Variants in LPP observed in about 807,000 individuals in gnomAD.
LPP encodes LIM domain containing preferred translocation partner in lipoma, also known as lipoma-preferred partner.
A neutral mutation model predicts 60.4 loss-of-function variants in LPP; 38 were observed. The observed-to-expected ratio is 0.63, with a 90% CI of 0.49 to 0.83. The LOEUF (loss-of-function observed/expected upper bound fraction) is 0.83. Among genes scored for constraint, LPP ranks in the 40% least tolerant of loss-of-function variants. LPP has a pLI of 0.00. For missense variants in LPP, 902 were observed against 783.6 expected (o/e 1.15, Z -1.80); for synonymous variants, 328 against 290.8 (o/e 1.13, Z -1.30).
At chr3:188,364,337 G>A (rs1163750961) in intron 3 of LPP, among the ~76,000 whole-genome samples, 1 of 152,240 alleles carries the variant, frequency 6.6e-6, no homozygotes, top group East Asian at 1.9e-4. Flanking sequence ...GTCTTTAATA[G>A]AGCCTTTCTT....
At chr3:188,551,608 A>G (rs1828146864) in intron 6 of LPP, among the ~76,000 whole-genome samples, 1 of 152,202 alleles carries the variant, frequency 6.6e-6, no homozygotes, top group Non-Finnish European at 1.5e-5. Context: ...GGAAAATATA[A>G]CATATACACT....
chr3:188,661,867 C>G (rs1177626372), intron 7 of LPP, among the ~76,000 whole-genome samples: 3 of 152,140 alleles, frequency 2.0e-5, no homozygotes, highest in African/African-American at 7.2e-5. Flanking sequence ...ACTCATTTTT[C>G]TTTCATTCAT....
At chr3:188,366,983 G>A (rs571635491) in intron 3 of LPP, among the ~76,000 whole-genome samples, 2 of 151,652 alleles carry the variant, frequency 1.3e-5, no homozygotes, top group East Asian at 3.9e-4. Flanking sequence ...TGCAAGCTCC[G>A]CCTCCTGGGT....
chr3:188,596,971 C>T (rs1840107707), intron 6 of LPP, among the ~76,000 whole-genome samples: 1 of 152,076 alleles, frequency 6.6e-6, no homozygotes, highest in Non-Finnish European at 1.5e-5. Flanking sequence ...ATTTCCATGC[C>T]CTGCTGCCTG....
At position 188,747,754 on chromosome 3, in the gene LPP, C is replaced by T. The variant is rs551983788; in HGVS notation, c.1241-12359C>T. 2.0e-4 allele frequency among the ~76,000 whole-genome samples: 31 copies of T among 152,308 alleles called. 1 individual carries two copies. The South Asian group carries it at 4.8e-3, about 23-fold the overall frequency. ...TGTGTATTAATAACTGTTCCCTAGA[C>T]GTCACTTCAGCGCTCAGACAGCTTA... is the stretch of plus-strand genomic sequence containing the variant. On this transcript the variant is annotated intron_variant, in intron 8 of 11. Coordinates refer to ENST00000617246, the MANE Select transcript of LPP (RefSeq NM_001375462.1).
intron 7 of LPP, among the ~76,000 whole-genome samples, chr3:188,697,570 A>G (rs191621479): frequency 1.3e-5 from 2 of 152,200 alleles, no homozygotes; most frequent in Admixed American, 6.5e-5. Flanking sequence ...GGGCTCTCCA[A>G]TCTCTCCTAG....
intron 9 of LPP, among the ~76,000 whole-genome samples, chr3:188,848,964 C>CAAA (rs58073326): frequency 2.5e-5 from 3 of 119,576 alleles, no homozygotes; most frequent in East Asian, 2.3e-4. Flanking sequence ...GACTCTGTCT[C>CAAA]AAAAAAAAAA....
intron 6 of LPP, among the ~76,000 whole-genome samples, chr3:188,533,672 C>G (rs972342407): frequency 2.0e-5 from 3 of 152,064 alleles, no homozygotes; most frequent in Non-Finnish European, 4.4e-5. Context: ...TGCAAAACAC[C>G]ATTTTAAAAG....
At chr3:188,617,884 G>A (rs1464069718) in intron 7 of LPP, among the ~76,000 whole-genome samples, 1 of 152,006 alleles carries the variant, frequency 6.6e-6, no homozygotes, top group African/African-American at 2.4e-5. Context: ...CAGTTATTTT[G>A]CTTATTGACA....
intron 4 of LPP, chr3:188,472,531 G>A (rs1397146565): frequency 6.6e-6 from 1 of 152,136 alleles, no homozygotes; most frequent in Non-Finnish European, 1.5e-5. Flanking sequence ...GTAATGGTTG[G>A]CATCATTTTA....
chr3:188,603,129 G>T (rs1580317651), intron 6 of LPP, among the ~76,000 whole-genome samples: 1 of 151,714 alleles, frequency 6.6e-6, no homozygotes, highest in East Asian at 1.9e-4. Context: ...GCAGTGAGCT[G>T]GCATGGGATA....
intron 6 of LPP, among the ~76,000 whole-genome samples, chr3:188,561,050 A>C (rs563200641): frequency 6.6e-6 from 1 of 152,190 alleles, no homozygotes; most frequent in Non-Finnish European, 1.5e-5. Flanking sequence ...TGTGATTTCC[A>C]ATCCAAGTTT....
At chr3:188,717,066 T>A (rs1244162110) in intron 8 of LPP, among the ~76,000 whole-genome samples, 2 of 152,166 alleles carry the variant, frequency 1.3e-5, no homozygotes. Context: ...TATGAAGAAA[T>A]GAAAGATTTC....
chr3:188,181,072 AG>A (rs1462508110), intron 1 of LPP, among the ~76,000 whole-genome samples: 1 of 152,158 alleles, frequency 6.6e-6, no homozygotes, highest in Non-Finnish European at 1.5e-5. Flanking sequence ...AGAAGAAAAT[AG>A]GCCTGGCACG....
At chr3:188,450,517 G>A (rs1000319428) in intron 4 of LPP, among the ~76,000 whole-genome samples, 1 of 152,150 alleles carries the variant, frequency 6.6e-6, no homozygotes. Context: ...GGCCGAGGCA[G>A]GTGGATCATC....
chr3:188,873,672 C>T (rs1382152609), intron 11 of LPP, among the ~76,000 whole-genome samples: 2 of 151,842 alleles, frequency 1.3e-5, no homozygotes, highest in African/African-American at 2.4e-5. Context: ...GAGTGGCAGT[C>T]GGCCTGTGTG....
rs549591011 is a variant in LPP, at chr3:188,423,288, T to C, written c.193+16975T>C. ...TGCAAAGGACATGAACTCATTTTTA[T>C]GGCTGCATAGTATTCCATGGTGTAT... is the stretch of plus-strand genomic sequence containing the variant. On this transcript the variant is annotated intron_variant, in intron 4 of 11. Coordinates refer to ENST00000617246, the MANE Select transcript of LPP (RefSeq NM_001375462.1). 5.9e-5 allele frequency among the ~76,000 whole-genome samples: 9 copies of C among 152,334 alleles called. No individual in the cohort carries two copies. In the South Asian group the frequency reaches 1.9e-3, roughly 32 times the overall value.
At chr3:188,613,340 G>T (rs1004366375) in intron 7 of LPP, among the ~76,000 whole-genome samples, 1 of 113,438 alleles carries the variant, frequency 8.8e-6, no homozygotes, top group Non-Finnish European at 2.1e-5. Context: ...TGGGAGCCAC[G>T]TTTTCTCCAG....
intron 8 of LPP, among the ~76,000 whole-genome samples, chr3:188,718,644 A>G (rs963726051): frequency 6.6e-6 from 1 of 152,164 alleles, no homozygotes; most frequent in Non-Finnish European, 1.5e-5. Context: ...TGTTTAGTTC[A>G]GTATTGTGTT....
Sources: gnomAD v4.1 joint callset for allele counts (sites outside exome capture counted in the v4.1 genomes callset) on GRCh38, gnomAD v4.1.1 for gene constraint, MANE v1.5 for transcripts, NCBI Gene and HGNC (gene_info 2026-07-23, HGNC 2026-07-21) for gene names.